Variants in ATAD1 observed in about 807,000 individuals in gnomAD.
The protein encoded by ATAD1 is outer mitochondrial transmembrane helix translocase.
A neutral mutation model predicts 42.7 loss-of-function variants in ATAD1; 18 were observed. The observed-to-expected ratio is 0.42, with a 90% CI of 0.29 to 0.63. ATAD1 has a LOEUF of 0.63. Among genes scored for constraint, ATAD1 ranks in the 20% least tolerant of loss-of-function variants. The pLI, the probability that ATAD1 is intolerant of heterozygous loss-of-function variation, is 0.19. For missense variants in ATAD1, 294 were observed against 440.4 expected, an observed-to-expected ratio of 0.67 and a Z score of 2.98; for synonymous variants, 132 against 143.1, an observed-to-expected ratio of 0.92 and a Z score of 0.55.
At chr10:87,775,138 T>C (rs1233413448) in intron 6 of ATAD1, among the ~76,000 whole-genome samples, 1 of 151,914 alleles carries the variant, frequency 6.6e-6, no homozygotes, top group Non-Finnish European at 1.5e-5. Context: ...ATACTAAAGT[T>C]GGCTGGGCGC....
chr10:87,840,966 T>C (rs555446788), intron 1 of ATAD1, among the ~76,000 whole-genome samples: 6 of 152,318 alleles, frequency 3.9e-5, no homozygotes, highest in African/African-American at 1.4e-4. Context: ...TCACGGAGCT[T>C]ATGAGTACTT....
chr10:87,838,403 T>G (rs1482254100), intron 1 of ATAD1, among the ~76,000 whole-genome samples: 1 of 139,018 alleles, frequency 7.2e-6, no homozygotes, highest in Admixed American at 8.1e-5. Flanking sequence ...GGTGCACACC[T>G]GTAGCCTCAG....
Position 87,784,519 on chromosome 10 carries a change from G to A in ATAD1, c.534C>T (p.Phe178=), listed in dbSNP as rs1589503852. ...GESQKLAAAV[F]SLAIKLQPSI... ...ATGGTTGTAGCTTTATGGCAAGGGA[G>A]AAGACAGCAGCAGCCAATTTCTGAG... is the stretch of plus-strand genomic sequence containing the variant. The change falls in exon 5 of 10, where the codon TTC becomes TTT. Residue 178 remains phenylalanine, a synonymous_variant. Transcript: ENST00000680024. The A allele has an allele frequency of 1.2e-6, 2 of 1,613,750 alleles. No homozygotes were observed. Among genetic ancestry groups the A allele is most frequent in the Admixed American group, 1.7e-5 (1 of 59,998 alleles).
intron 1 of ATAD1, among the ~76,000 whole-genome samples, chr10:87,829,237 A>T (rs200533055): frequency 0.078 from 9,795 of 125,780 alleles, 404 homozygotes; most frequent in Admixed American, 0.14. Flanking sequence ...TTTATTTATT[A>T]TTTATTTATT....
chr10:87,786,015 T>A (rs1855816948), intron 4 of ATAD1, among the ~76,000 whole-genome samples: 1 of 152,156 alleles, frequency 6.6e-6, no homozygotes, highest in Non-Finnish European at 1.5e-5. Flanking sequence ...TTCACTTAGG[T>A]GCTTAAAATT....
intron 2 of ATAD1, among the ~76,000 whole-genome samples, chr10:87,796,961 T>C (rs894549497): frequency 6.6e-6 from 1 of 152,340 alleles, no homozygotes; most frequent in Non-Finnish European, 1.5e-5. Flanking sequence ...TACATAGCGA[T>C]GGACAGAAGG....
At chr10:87,799,571 T>G (rs1481449387) in intron 2 of ATAD1, among the ~76,000 whole-genome samples, 1 of 152,128 alleles carries the variant, frequency 6.6e-6, no homozygotes, top group Admixed American at 6.6e-5. Context: ...GTGAGTTAGG[T>G]CAGATCTTTT....
intron 2 of ATAD1, among the ~76,000 whole-genome samples, chr10:87,802,645 A>C (rs1420293379): frequency 6.8e-6 from 1 of 148,142 alleles, no homozygotes; most frequent in African/African-American, 2.5e-5. Flanking sequence ...TATGTCACGA[A>C]AAAAAAAAAA....
chr10:87,824,790 T>C (rs1857695279), intron 1 of ATAD1, among the ~76,000 whole-genome samples: 1 of 152,214 alleles, frequency 6.6e-6, no homozygotes, highest in South Asian at 2.1e-4. Context: ...AGGCTGTGCC[T>C]CTCTGTCCTG....
At chr10:87,768,313 T>C (rs1317027719) in intron 7 of ATAD1, among the ~76,000 whole-genome samples, 2 of 152,216 alleles carry the variant, frequency 1.3e-5, no homozygotes, top group Non-Finnish European at 2.9e-5. Context: ...AGCTATATAG[T>C]CAATATAGAT....
chr10:87,769,136 G>A (rs1485775718), intron 7 of ATAD1, among the ~76,000 whole-genome samples: 3 of 152,116 alleles, frequency 2.0e-5, no homozygotes, highest in African/African-American at 7.2e-5. Flanking sequence ...ATTAGTGATA[G>A]AGATTCTATA....
chr10:87,767,650 A>C (rs1854823789), intron 8 of ATAD1, 23 bp downstream of exon 8: 1 of 1,594,324 alleles, frequency 6.3e-7, no homozygotes, highest in Non-Finnish European at 8.6e-7. Context: ...AGGACGGGGA[A>C]AAAATTTTTA....
chr10:87,766,224 G>C (rs1029775877), intron 8 of ATAD1, among the ~76,000 whole-genome samples: 1 of 152,062 alleles, frequency 6.6e-6, no homozygotes, highest in African/African-American at 2.4e-5. Flanking sequence ...TCTAACCTTT[G>C]ATCTAGCAAT....
chr10:87,778,189 A>C (rs1254388872), intron 5 of ATAD1, among the ~76,000 whole-genome samples: 5 of 150,316 alleles, frequency 3.3e-5, no homozygotes, highest in Non-Finnish European at 5.9e-5. Context: ...AAAAAAAAAA[A>C]AAAAAAAAAA....
At chr10:87,840,885 C>A (rs898598880) in intron 1 of ATAD1, among the ~76,000 whole-genome samples, 2 of 151,992 alleles carry the variant, frequency 1.3e-5, no homozygotes, top group Admixed American at 1.3e-4. Context: ...TATCTCAGGG[C>A]TATATTATAT....
At chr10:87,823,091 T>TAA (rs879637993), upstream of ATAD1, among the ~76,000 whole-genome samples, 1 of 135,942 alleles carries the variant, frequency 7.4e-6, no homozygotes. Flanking sequence ...AGAAGAGAAC[T>TAA]AAAAAAAAAA....
At chr10:87,821,400 C>T (rs184630013), upstream of ATAD1, among the ~76,000 whole-genome samples, 969 of 151,994 alleles carry the variant, frequency 6.4e-3, 10 homozygotes, top group South Asian at 0.016. Context: ...GGTGTGGTGG[C>T]GGGCACCTGT....
intron 8 of ATAD1, among the ~76,000 whole-genome samples, chr10:87,764,050 A>C (rs1467109288): frequency 6.6e-6 from 1 of 152,180 alleles, no homozygotes; most frequent in African/African-American, 2.4e-5. Context: ...TCAATAATTA[A>C]AACAGTATTA....
At chr10:87,828,743 C>A (rs1857773589) in intron 1 of ATAD1, among the ~76,000 whole-genome samples, 1 of 152,220 alleles carries the variant, frequency 6.6e-6, no homozygotes, top group Non-Finnish European at 1.5e-5. Flanking sequence ...CAAAAACAGG[C>A]TGACTCTCTT....
Sources: allele counts gnomAD v4.1 joint callset (sites outside exome capture counted in the v4.1 genomes callset), GRCh38; gene constraint gnomAD v4.1.1; transcripts MANE v1.5; gene names NCBI Gene and HGNC (gene_info 2026-07-23, HGNC 2026-07-21).